ABCB7: variants seen among roughly 807,000 people sequenced by gnomAD.
ABCB7 encodes ATP binding cassette subfamily B member 7, also known as iron-sulfur clusters transporter ABCB7, mitochondrial.
ABCB7 carries 7 observed loss-of-function variants against 54.4 expected under a neutral mutation model. The observed-to-expected ratio is 0.13, with a 90% CI of 0.07 to 0.24. The LOEUF (loss-of-function observed/expected upper bound fraction) is 0.24, where lower values mean the gene tolerates loss of function less well. Among genes scored for constraint, ABCB7 ranks in the 10% least tolerant of loss-of-function variants. The pLI is 1.00. For synonymous variants in ABCB7, 218 were observed against 207.1 expected, an observed-to-expected ratio of 1.05 and a Z score of -0.45; for missense variants, 356 against 570.4, an observed-to-expected ratio of 0.62 and a Z score of 3.83.
chrX:75,135,059 G>T (rs2082000046), intron 1 of ABCB7, among the ~76,000 whole-genome samples: 1 of 109,497 alleles, frequency 9.1e-6, no homozygotes, highest in African/African-American at 3.3e-5. Context: ...GAATAAATAA[G>T]ATTGATGGAC....
intron 1 of ABCB7, among the ~76,000 whole-genome samples, chrX:75,121,616 C>G (rs1040265985): frequency 9.0e-6 from 1 of 111,673 alleles, no homozygotes; most frequent in Non-Finnish European, 1.9e-5. Flanking sequence ...GTATTCTATT[C>G]TGGACACACC....
At chrX:75,057,961 G>A (rs1460403037) in intron 15 of ABCB7, among the ~76,000 whole-genome samples, 1 of 110,477 alleles carries the variant, frequency 9.1e-6, no homozygotes, top group Non-Finnish European at 1.9e-5. Context: ...CATTGTTAAT[G>A]TGCCTGGTGG....
intron 6 of ABCB7, among the ~76,000 whole-genome samples, chrX:75,074,627 T>C (rs766490620): frequency 1.8e-5 from 2 of 111,705 alleles, no homozygotes; most frequent in East Asian, 5.6e-4. Flanking sequence ...ATAAAGAAAA[T>C]GTGGCCCATG....
At chrX:75,055,553 CA>C (rs59851777) in intron 15 of ABCB7, among the ~76,000 whole-genome samples, 5,606 of 21,520 alleles carry the variant, frequency 0.26, 496 homozygotes, top group East Asian at 0.46. Flanking sequence ...CCATCTCTAC[CA>C]AAAAAAAAAA....
intron 1 of ABCB7, among the ~76,000 whole-genome samples, chrX:75,153,774 A>ATATAT (rs1555960369): frequency 2.3e-5 from 2 of 85,835 alleles, no homozygotes; most frequent in African/African-American, 3.9e-5. Context: ...ATATATATAT[A>ATATAT]AAATATATAT....
At chrX:75,147,456 T>C (rs1441018371) in intron 1 of ABCB7, among the ~76,000 whole-genome samples, 1 of 111,563 alleles carries the variant, frequency 9.0e-6, no homozygotes, top group Non-Finnish European at 1.9e-5. Flanking sequence ...AAAGAAAATG[T>C]GGTACAAATA....
At chrX:75,068,872 C>T in intron 12 of ABCB7, 135 bp downstream of exon 12, 4 of 769,325 alleles carry the variant, frequency 5.2e-6, no homozygotes, top group Non-Finnish European at 5.7e-6. Context: ...CTTTTGATAC[C>T]AGAATTTCAC....
intron 1 of ABCB7, among the ~76,000 whole-genome samples, chrX:75,153,489 G>A (rs1250992838): frequency 9.1e-6 from 1 of 109,569 alleles, no homozygotes; most frequent in Non-Finnish European, 1.9e-5. Flanking sequence ...CAGGAGTAAA[G>A]TATTTTAATT....
intron 1 of ABCB7, among the ~76,000 whole-genome samples, chrX:75,148,821 T>C (rs1237905746): frequency 9.0e-6 from 1 of 111,365 alleles, no homozygotes; most frequent in Non-Finnish European, 1.9e-5. Flanking sequence ...AGAAAATACA[T>C]TTCTGTTGTA....
rs181404212 is a variant in ABCB7, at chrX:75,145,063, C to T, written c.168+11042G>A. ...GAAGAAATTGAATCCCTGAACAGAC[C>T]AATAATGAGTTCTTTACTTGAGGCA... On this transcript the variant is annotated intron_variant, in intron 1 of 15. Coordinates refer to ENST00000373394, the MANE Select transcript of ABCB7 (RefSeq NM_001271696.3). Among the ~76,000 whole-genome samples, 6 of 110,421 alleles carry T rather than the reference C, an allele frequency of 5.4e-5. No individual in the cohort carries two copies. In the East Asian group the frequency reaches 1.7e-3, roughly 31 times the overall value.
intron 3 of ABCB7, among the ~76,000 whole-genome samples, chrX:75,109,986 T>C (rs1015158962): frequency 6.2e-5 from 7 of 112,115 alleles, no homozygotes; most frequent in Middle Eastern, 4.6e-3. Flanking sequence ...GAGATACATA[T>C]AGTGAATTTG....
intron 1 of ABCB7, among the ~76,000 whole-genome samples, chrX:75,134,518 T>C (rs905326639): frequency 2.7e-5 from 3 of 112,000 alleles, no homozygotes; most frequent in Non-Finnish European, 1.9e-5. Context: ...AACAATAGAA[T>C]ATACATTCTT....
intron 1 of ABCB7, among the ~76,000 whole-genome samples, chrX:75,144,953 C>T (rs1394870721): frequency 1.8e-5 from 2 of 110,664 alleles, no homozygotes; most frequent in South Asian, 3.9e-4. Context: ...GGATGGGGTG[C>T]TGGCCATCTC....
intron 8 of ABCB7, among the ~76,000 whole-genome samples, chrX:75,072,938 T>A (rs1228200274): frequency 3.6e-5 from 4 of 110,934 alleles, no homozygotes; most frequent in Admixed American, 9.6e-5. Context: ...TTTTTTTTTT[T>A]TTACTTTTTA....
chrX:75,147,567 G>A (rs775816950), intron 1 of ABCB7, among the ~76,000 whole-genome samples: 1 of 111,587 alleles, frequency 9.0e-6, no homozygotes, highest in South Asian at 3.8e-4. Flanking sequence ...ATTAACACAG[G>A]AACAGAAAAC....
In ABCB7 at chrX:75,145,939, C is replaced by T. The variant is rs142507949; in HGVS notation, c.168+10166G>A. On this transcript the variant is annotated intron_variant, in intron 1 of 15. Coordinates refer to ENST00000373394, the MANE Select transcript of ABCB7 (RefSeq NM_001271696.3). ...AAAATCACTAGCAGTGAGTCAAGGCCGGCTCTAAAAAAATAAAAATTAAAA... is the reference window on the plus strand; with the variant it reads ...AAAATCACTAGCAGTGAGTCAAGGCTGGCTCTAAAAAAATAAAAATTAAAA... 3.8e-3 allele frequency among the ~76,000 whole-genome samples: 417 copies of T among 109,434 alleles called. 3 individuals carry two copies. The highest frequency in any genetic ancestry group is 0.013 in the African/African-American group (394 of 30,080).
chrX:75,072,358 G>C (rs764593366), intron 8 of ABCB7, among the ~76,000 whole-genome samples: 1 of 111,218 alleles, frequency 9.0e-6, no homozygotes, highest in Non-Finnish European at 1.9e-5. Flanking sequence ...GCATACTTTA[G>C]GTAATTTTGA....
intron 1 of ABCB7, among the ~76,000 whole-genome samples, chrX:75,147,707 A>G (rs1451680943): frequency 8.9e-6 from 1 of 112,183 alleles, no homozygotes; most frequent in East Asian, 2.8e-4. Flanking sequence ...ATCAGAAAAA[A>G]TAACTAATGG....
At chrX:75,094,050 A>ATATATATCTATCTATC (rs1314153062) in intron 4 of ABCB7, among the ~76,000 whole-genome samples, 1 of 20,491 alleles carries the variant, frequency 4.9e-5, no homozygotes, top group African/African-American at 7.0e-5. Flanking sequence ...ATATATATAT[A>ATATATATCTATCTATC]TATCTATCTT....
Sources: gnomAD v4.1 joint callset for allele counts (sites outside exome capture counted in the v4.1 genomes callset) on GRCh38, gnomAD v4.1.1 for gene constraint, MANE v1.5 for transcripts, NCBI Gene and HGNC (gene_info 2026-07-23, HGNC 2026-07-21) for gene names.